The following ATRAID variants were observed in gnomAD, a reference collection of about 807,000 sequenced individuals.
The protein encoded by ATRAID is all-trans retinoic acid induced differentiation factor, also known as all-trans retinoic acid-induced differentiation factor.
A neutral mutation model predicts 28.8 loss-of-function variants in ATRAID; 26 were observed. The observed-to-expected ratio is 0.90, with a 90% CI of 0.66 to 1.25. The LOEUF (loss-of-function observed/expected upper bound fraction) is 1.25, where lower values mean the gene tolerates loss of function less well. Ranked by LOEUF, ATRAID falls within the 50% of genes most tolerant of loss-of-function variation. The pLI is 0.00. For missense variants in ATRAID, 308 were observed against 285.9 expected, an observed-to-expected ratio of 1.08 and a Z score of -0.56; for synonymous variants, 131 against 108.5, an observed-to-expected ratio of 1.21 and a Z score of -1.29.
intron 1 of ATRAID, 129 bp downstream of exon 1, chr2:27,212,596 C>T (rs139490556): frequency 3.1e-5 from 45 of 1,446,344 alleles, no homozygotes; most frequent in Non-Finnish European, 3.1e-5. Flanking sequence ...CTTCCCGACC[C>T]TGCCCAGCCA....
Position 27,215,625 on chromosome 2 carries a change from T to A in ATRAID, c.366-7T>A. On this transcript the variant is annotated splice_region_variant and splice_polypyrimidine_tract_variant and intron_variant, in intron 4 of 6. Transcript: ENST00000380171. Reference sequence around the variant, plus strand: ...ACTTTGCATGTTATGACCACATTTCTCTATAGGATACTGCCACAACATGTC... The same window carrying A: ...ACTTTGCATGTTATGACCACATTTCACTATAGGATACTGCCACAACATGTC... 1.2e-6 allele frequency: 2 copies of A among 1,614,190 alleles called. No individual in the cohort carries two copies. The highest frequency in any genetic ancestry group is 2.2e-5 in the South Asian group (2 of 91,082).
At chr2:27,212,493 C>A in intron 1 of ATRAID, 26 bp downstream of exon 1, 2 of 1,550,254 alleles carry the variant, frequency 1.3e-6, no homozygotes, top group East Asian at 2.4e-5. Context: ...TGAGGTCGGG[C>A]TGAAGCAGGG....
At chr2:27,212,577 T>C in intron 1 of ATRAID, 110 bp downstream of exon 1, 2 of 1,467,286 alleles carry the variant, frequency 1.4e-6, no homozygotes, top group African/African-American at 2.9e-5. Flanking sequence ...TCTGATTTCG[T>C]CCCTGACGCT....
rs1242741675 is a variant in ATRAID at position 27,217,112 on chromosome 2, AG to A, written c.*165del. On this transcript the variant is annotated 3_prime_UTR_variant, in exon 7 of 7. Coordinates refer to ENST00000380171, the MANE Select transcript of ATRAID (RefSeq NM_001170795.4). ...CACTCCCTTGGTGTAGACAAATACC[AG>A]TTCCCATTGGTGTTGTTGCCTATAA... The A allele has an allele frequency of 1.7e-6, 1 of 586,716 alleles. No individual in the cohort carries two copies. The highest frequency in any genetic ancestry group is 3.0e-6 in the Non-Finnish European group (1 of 338,184). 36.3% of individuals were successfully genotyped at this position (586,716 alleles called of 1,614,324 possible). A position where few individuals can be genotyped will look rare whatever the true frequency, so the allele number is the denominator to read the frequency against.
chr2:27,214,569 C>T (rs897030045), intron 2 of ATRAID, among the ~76,000 whole-genome samples: 4 of 152,152 alleles, frequency 2.6e-5, no homozygotes, highest in African/African-American at 7.2e-5. Flanking sequence ...TGAAAATGTT[C>T]CGAGCCAGGC....
Position 27,213,309 on chromosome 2 carries a change from G to A in ATRAID, c.221+11G>A. On this transcript the variant is annotated intron_variant, in intron 2 of 6. Transcript: ENST00000380171. ...GGGCACCATCTTGGGGTGAGGGGAA[G>A]ACATCCCTAGATGCTGGATACAGGC... The A allele has an allele frequency of 6.2e-7, 1 of 1,612,104 alleles. No individual in the cohort carries two copies. Among genetic ancestry groups the A allele is most frequent in the Non-Finnish European group, 8.5e-7 (1 of 1,178,400 alleles).
chr2:27,212,631 C>CCT (rs1674629949), intron 1 of ATRAID, 164 bp downstream of exon 1: 2 of 1,409,016 alleles, frequency 1.4e-6, no homozygotes, highest in East Asian at 5.5e-5. Flanking sequence ...GTACTCACGT[C>CCT]GTGCAGGCCT....
chr2:27,215,807 T>C (rs1355870423), intron 5 of ATRAID, 54 bp downstream of exon 5: 2 of 1,595,922 alleles, frequency 1.3e-6, no homozygotes, highest in Non-Finnish European at 1.7e-6. Flanking sequence ...CCTTGTATTT[T>C]CCACTTTAGA....
chr2:27,212,832 C>A, intron 1 of ATRAID: 1 of 496,918 alleles, frequency 2.0e-6, no homozygotes, highest in Non-Finnish European at 3.3e-6. Context: ...CTTTACGTAC[C>A]TGCGGTCGTT....
rs956060503 is a variant in ATRAID at position 27,212,973 on chromosome 2, C to A, written c.100-204C>A. On this transcript the variant is annotated intron_variant, in intron 1 of 6. Coordinates refer to ENST00000380171, the MANE Select transcript of ATRAID (RefSeq NM_001170795.4). ...TATCTGGTACTGAAAGTGTCGGGAG[C>A]TGATTCGGCGCAGGACTCTGGAGGA... is the stretch of plus-strand genomic sequence containing the variant. 1.3e-5 allele frequency: 8 copies of A among 608,180 alleles called. No individual in the cohort carries two copies. In the Admixed American group the frequency reaches 2.6e-4, roughly 19 times the overall value. 37.7% of individuals were successfully genotyped at this position (608,180 alleles called of 1,614,324 possible). A position where few individuals can be genotyped will look rare whatever the true frequency, so the allele number is the denominator to read the frequency against.
chr2:27,215,824 A>T, intron 5 of ATRAID, 71 bp downstream of exon 5: 1 of 1,570,942 alleles, frequency 6.4e-7, no homozygotes, highest in Non-Finnish European at 8.6e-7. Context: ...TAGATCAGAA[A>T]GACAAAGTTG....
intron 1 of ATRAID, 143 bp from the exon 2 acceptor site, chr2:27,213,024 TGTTACAAGGG>T: frequency 1.1e-6 from 1 of 923,514 alleles, no homozygotes; most frequent in Non-Finnish European, 1.6e-6. Flanking sequence ...TAGCCTAGCC[TGTTACAAGGG>T]TGGGACACGA....
At chr2:27,212,543 C>A (rs1288240372) in intron 1 of ATRAID, 76 bp downstream of exon 1, 3 of 1,500,224 alleles carry the variant, frequency 2.0e-6, no homozygotes, top group Non-Finnish European at 1.8e-6. Context: ...AGCGGCTCCC[C>A]CTTCTCCTCG....
intron 2 of ATRAID, 41 bp downstream of exon 2, chr2:27,213,339 C>T (rs764968495): frequency 1.9e-6 from 3 of 1,592,442 alleles, no homozygotes; most frequent in South Asian, 2.2e-5. Flanking sequence ...ACAGGCCATT[C>T]CTTAGCCTGG....
chr2:27,215,445 C>A (rs747787446), intron 3 of ATRAID, 29 bp from the exon 4 acceptor site: 2 of 1,613,922 alleles, frequency 1.2e-6, no homozygotes, highest in Admixed American at 1.7e-5. Flanking sequence ...TAGGTTGATG[C>A]GAAAGTGCTA....
Position 27,212,440 on chromosome 2 carries a change from C to G in ATRAID, c.72C>G (p.Gly24=). ...PWAAALLLAL[G]VERALALPEI... is the part of the protein sequence containing the mutation. The stretch of plus-strand genomic sequence containing the variant: ...CTGCCGCCCTGCTCCTCGCTCTGGG[C>G]GTGGAAAGGGCTCTGGCGCTACCCG... Residue 24 remains glycine, a synonymous_variant, in exon 1 of 7, where the codon GGC becomes GGG. Coordinates refer to ENST00000380171, the MANE Select transcript of ATRAID (RefSeq NM_001170795.4). The G allele has an allele frequency of 1.9e-6, 3 of 1,561,320 alleles. No homozygotes were observed. In the Middle Eastern group the frequency reaches 5.0e-4, roughly 261 times the overall value.
chr2:27,213,300 TGA>T lies in ATRAID; in HGVS notation c.221+4_221+5del. The T allele has an allele frequency of 6.2e-7, 1 of 1,612,600 alleles. No homozygotes were observed. On this transcript the variant is annotated splice_donor_region_variant and intron_variant, in intron 2 of 6. Coordinates refer to ENST00000380171, the MANE Select transcript of ATRAID (RefSeq NM_001170795.4). ...GAATCAGAAGGGCACCATCTTGGGG[TGA>T]GGGGAAGACATCCCTAGATGCTGGA... is the stretch of plus-strand genomic sequence containing the variant.
Position 27,212,279 on chromosome 2 carries a change from G to C in ATRAID, c.-90G>C. 12 of 1,554,214 alleles carry C rather than the reference G, an allele frequency of 7.7e-6. No individual in the cohort carries two copies. Among genetic ancestry groups the C allele is most frequent in the East Asian group, 4.8e-5 (2 of 41,866 alleles). ...CAGGGCGACTGGACCGGGCCGCTTA[G>C]GCCACGCCCGGGGAAGAGGGCCTGA... On this transcript the variant is annotated 5_prime_UTR_variant, in exon 1 of 7. Coordinates refer to ENST00000380171, the MANE Select transcript of ATRAID (RefSeq NM_001170795.4).
Position 27,212,114 on chromosome 2 carries a change from C to T in ATRAID, c.-255C>T, listed in dbSNP as rs939467565. On this transcript the variant is annotated 5_prime_UTR_variant, in exon 1 of 7. Transcript: ENST00000380171. ...GGCTGAGGGAGTCTGCAGTCGGCTC[C>T]GGGAAGCCGCGCGGCGACGGGGGAG... 56 of 1,497,584 alleles carry T rather than the reference C, an allele frequency of 3.7e-5. No individual in the cohort carries two copies. The Middle Eastern group carries it at 1.9e-3, about 51-fold the overall frequency. 92.8% of individuals were successfully genotyped at this position (1,497,584 alleles called of 1,614,324 possible). A position where few individuals can be genotyped will look rare whatever the true frequency, so the allele number is the denominator to read the frequency against.
Sources: gnomAD v4.1 joint callset for allele counts (sites outside exome capture counted in the v4.1 genomes callset) on GRCh38, gnomAD v4.1.1 for gene constraint, MANE v1.5 for transcripts, NCBI Gene and HGNC (gene_info 2026-07-23, HGNC 2026-07-21) for gene names.